The following DTD1 variants were observed in gnomAD, a reference collection of about 807,000 sequenced individuals.
The protein encoded by DTD1 is D-aminoacyl-tRNA deacylase 1.
In DTD1, 13 loss-of-function variants were observed where a neutral mutation model predicts 25.6. That is an observed-to-expected ratio of 0.51 (90% CI 0.33 to 0.81). The LOEUF is 0.81. DTD1 is among the 30% of genes least tolerant of loss of function. The probability of loss-of-function intolerance (pLI) is 0.02; values close to 1 mark genes in which losing one functional copy is unlikely to be tolerated. For missense variants in DTD1, 193 were observed against 266.4 expected, an observed-to-expected ratio of 0.72 and a Z score of 1.92; for synonymous variants, 110 against 103.6, an observed-to-expected ratio of 1.06 and a Z score of -0.37.
intron 3 of DTD1, among the ~76,000 whole-genome samples, chr20:18,602,114 C>A (rs1271775247): frequency 1.5e-5 from 2 of 136,182 alleles, no homozygotes; most frequent in African/African-American, 5.4e-5. Context: ...GGCTTGAGAA[C>A]TACGTGAAGA....
chr20:18,708,263 T>TAA (rs1568676838), intron 4 of DTD1, among the ~76,000 whole-genome samples: 8 of 24,028 alleles, frequency 3.3e-4, no homozygotes, highest in Admixed American at 6.9e-4. Context: ...TATATATATA[T>TAA]TTTATATATA....
intron 4 of DTD1, among the ~76,000 whole-genome samples, chr20:18,657,747 G>A (rs1277210291): frequency 6.6e-6 from 1 of 152,184 alleles, no homozygotes; most frequent in Non-Finnish European, 1.5e-5. Flanking sequence ...TAGTTTCTGT[G>A]AGCCAGGAAT....
At chr20:18,710,923 G>A (rs1444404375) in intron 4 of DTD1, among the ~76,000 whole-genome samples, 2 of 152,204 alleles carry the variant, frequency 1.3e-5, no homozygotes, top group Non-Finnish European at 2.9e-5. Context: ...AGGTTGGGCA[G>A]ACAGTTTTTG....
chr20:18,590,282 A>C (rs921163581), intron 1 of DTD1, among the ~76,000 whole-genome samples: 1 of 152,110 alleles, frequency 6.6e-6, no homozygotes, highest in Admixed American at 6.6e-5. Flanking sequence ...GGCTCAAGTG[A>C]TCCTTTAGTT....
At chr20:18,595,761 A>G (rs1225987556) in intron 2 of DTD1, among the ~76,000 whole-genome samples, 1 of 152,208 alleles carries the variant, frequency 6.6e-6, no homozygotes, top group African/African-American at 2.4e-5. Context: ...AACTGGAGCG[A>G]CTGGCAAAAA....
intron 4 of DTD1, among the ~76,000 whole-genome samples, chr20:18,679,211 G>A (rs1468532399): frequency 6.6e-6 from 1 of 152,202 alleles, no homozygotes; most frequent in African/African-American, 2.4e-5. Flanking sequence ...CTGTTGGCCT[G>A]ACAACCGTTG....
intron 4 of DTD1, among the ~76,000 whole-genome samples, chr20:18,724,530 T>C (rs144959419): frequency 6.4e-4 from 98 of 152,306 alleles, no homozygotes; most frequent in African/African-American, 2.2e-3. Flanking sequence ...ATTTCTAGAG[T>C]TTAACTTTTT....
intron 4 of DTD1, among the ~76,000 whole-genome samples, chr20:18,677,777 T>C (rs2060982003): frequency 6.6e-6 from 1 of 152,218 alleles, no homozygotes; most frequent in Non-Finnish European, 1.5e-5. Context: ...CTCTTATTTT[T>C]CTCTCTTTAC....
rs775263879 is a variant in DTD1, at chr20:18,688,554, C to T, written c.478-55546C>T. ...ACAGTCCTGAGACAGGGTGACCCTG[C>T]GGCTTTCCTACATAATGTCAGCGGA... On this transcript the variant is annotated intron_variant, in intron 4 of 5. Transcript: ENST00000377452. Among the ~76,000 whole-genome samples the T allele has an allele frequency of 6.6e-5, 10 of 152,182 alleles. No homozygotes were observed. In the East Asian group the frequency reaches 1.2e-3, roughly 18 times the overall value.
chr20:18,607,326 A>T (rs2060664113), intron 3 of DTD1, among the ~76,000 whole-genome samples: 1 of 151,790 alleles, frequency 6.6e-6, no homozygotes, highest in East Asian at 1.9e-4. Flanking sequence ...ACACCTGGCT[A>T]ATTTTTGTAT....
At chr20:18,704,715 GC>G in intron 4 of DTD1, among the ~76,000 whole-genome samples, 1 of 152,262 alleles carries the variant, frequency 6.6e-6, no homozygotes, top group South Asian at 2.1e-4. Flanking sequence ...GGCCAGGGTT[GC>G]TACTCAACAT....
chr20:18,750,031 G>A (rs979189332), intron 5 of DTD1, among the ~76,000 whole-genome samples: 1 of 152,194 alleles, frequency 6.6e-6, no homozygotes, highest in Non-Finnish European at 1.5e-5. Flanking sequence ...GACGGTGTCA[G>A]GCATGGACAG....
chr20:18,687,229 G>T (rs148708702), intron 4 of DTD1, among the ~76,000 whole-genome samples: 102 of 152,342 alleles, frequency 6.7e-4, no homozygotes, highest in Admixed American at 3.7e-3. Flanking sequence ...GGAACTTCCA[G>T]GTTGGGTCCC....
intron 4 of DTD1, among the ~76,000 whole-genome samples, chr20:18,694,619 A>C (rs1261821834): frequency 2.0e-5 from 3 of 152,188 alleles, no homozygotes; most frequent in African/African-American, 4.8e-5. Context: ...CTTTACTGGG[A>C]AAGGGAACAA....
intron 3 of DTD1, among the ~76,000 whole-genome samples, chr20:18,607,633 T>G (rs1379285364): frequency 6.6e-6 from 1 of 152,196 alleles, no homozygotes; most frequent in African/African-American, 2.4e-5. Context: ...AGGCCTGGTG[T>G]TTCTTTTTGA....
intron 4 of DTD1, among the ~76,000 whole-genome samples, chr20:18,704,555 T>A (rs2061118546): frequency 1.3e-5 from 2 of 152,176 alleles, no homozygotes; most frequent in African/African-American, 4.8e-5. Flanking sequence ...GAAATTTTGT[T>A]GTTGTCACTG....
intron 1 of DTD1, among the ~76,000 whole-genome samples, chr20:18,590,145 G>A (rs913170848): frequency 6.6e-6 from 1 of 152,116 alleles, no homozygotes; most frequent in Admixed American, 6.5e-5. Context: ...AAAATAGTTG[G>A]TTGACTTCAC....
At chr20:18,695,170 C>T (rs144568219) in intron 4 of DTD1, among the ~76,000 whole-genome samples, 23 of 152,098 alleles carry the variant, frequency 1.5e-4, no homozygotes, top group South Asian at 4.2e-4. Flanking sequence ...TTCCCTTGTG[C>T]AAGTGTCAGC....
At position 18,744,108 on chromosome 20, in the gene DTD1, G is replaced by T; in HGVS notation, c.486G>T (p.Lys162Asn). ...TATTTTTATTTAATCAGCTGTCAAA[G>T]CTCGAAAAACAGCAGCAGAGGAAAG... ...TATSDPKQLS[K>N]LEKQQQRKEK... is the part of the protein sequence containing the mutation. The change falls in exon 5 of 6, where the codon AAG (lysine) becomes AAT (asparagine). Residue 162 changes from lysine to asparagine, a missense_variant. Transcript: ENST00000377452. 1.2e-6 allele frequency: 2 copies of T among 1,607,190 alleles called. No homozygotes were observed. The highest frequency in any genetic ancestry group is 1.7e-6 in the Non-Finnish European group (2 of 1,177,818).
Sources: allele counts gnomAD v4.1 joint callset (sites outside exome capture counted in the v4.1 genomes callset), GRCh38; gene constraint gnomAD v4.1.1; transcripts MANE v1.5; gene names NCBI Gene and HGNC (gene_info 2026-07-23, HGNC 2026-07-21).